TRPS1: variants seen among roughly 807,000 people sequenced by gnomAD.
TRPS1 encodes transcriptional repressor GATA binding 1.
Under a neutral mutation model 101.2 loss-of-function variants are expected in TRPS1, and 6 were observed. That is an observed-to-expected ratio of 0.06 (90% confidence interval 0.03 to 0.12). The LOEUF (loss-of-function observed/expected upper bound fraction) is 0.12. TRPS1 is among the 10% of genes least tolerant of loss of function. The probability of loss-of-function intolerance (pLI) is 1.00; values close to 1 mark genes in which losing one functional copy is unlikely to be tolerated. For synonymous variants in TRPS1, 578 were observed against 589.8 expected, an observed-to-expected ratio of 0.98 and a Z score of 0.29; for missense variants, 1,363 against 1,567.0, an observed-to-expected ratio of 0.87 and a Z score of 2.20.
At chr8:115,530,850 T>C (rs1410763792) in intron 5 of TRPS1, among the ~76,000 whole-genome samples, 1 of 152,002 alleles carries the variant, frequency 6.6e-6, no homozygotes, top group Non-Finnish European at 1.5e-5. Flanking sequence ...AAACACTGCA[T>C]GTTCTCACTC....
At chr8:115,437,021 A>G (rs1015338186) in intron 5 of TRPS1, among the ~76,000 whole-genome samples, 1 of 152,224 alleles carries the variant, frequency 6.6e-6, no homozygotes, top group Non-Finnish European at 1.5e-5. Context: ...GGAGTCTTTT[A>G]TAAGTAGAGC....
At chr8:115,452,111 T>C (rs2129931342) in intron 5 of TRPS1, among the ~76,000 whole-genome samples, 1 of 152,348 alleles carries the variant, frequency 6.6e-6, no homozygotes, top group South Asian at 2.1e-4. Flanking sequence ...GTGTGAGTTA[T>C]CAGAGTTCGC....
chr8:115,463,568 T>G (rs1461566412), intron 5 of TRPS1, among the ~76,000 whole-genome samples: 1 of 151,988 alleles, frequency 6.6e-6, no homozygotes, highest in African/African-American at 2.4e-5. Flanking sequence ...ACTCAGTGAG[T>G]GTATGAAACC....
intron 5 of TRPS1, among the ~76,000 whole-genome samples, chr8:115,512,020 C>A (rs1255453306): frequency 6.6e-6 from 1 of 151,650 alleles, no homozygotes; most frequent in Non-Finnish European, 1.5e-5. Flanking sequence ...TGCTACCATC[C>A]CTAAATACTA....
At chr8:115,628,435 T>C (rs946874543) in intron 1 of TRPS1, among the ~76,000 whole-genome samples, 2 of 151,316 alleles carry the variant, frequency 1.3e-5, no homozygotes, top group African/African-American at 2.4e-5. Context: ...CAAAAACAAA[T>C]TACACACACA....
At chr8:115,643,333 T>G (rs1818946239) in intron 1 of TRPS1, among the ~76,000 whole-genome samples, 1 of 152,212 alleles carries the variant, frequency 6.6e-6, no homozygotes, top group Admixed American at 6.5e-5. Flanking sequence ...ACGCTAGAAC[T>G]TCTTTCAAAA....
chr8:115,657,581 C>G (rs1186022952), intron 1 of TRPS1, among the ~76,000 whole-genome samples: 1 of 152,100 alleles, frequency 6.6e-6, no homozygotes, highest in African/African-American at 2.4e-5. Flanking sequence ...GAGAATCTTT[C>G]AAGTATTCTT....
At chr8:115,606,233 T>G (rs919732446) in intron 3 of TRPS1, among the ~76,000 whole-genome samples, 4 of 152,186 alleles carry the variant, frequency 2.6e-5, no homozygotes, top group Admixed American at 6.5e-5. Context: ...CACTGAGAGA[T>G]ATGTTTGTAC....
chr8:115,656,113 G>A (rs1461700296), intron 1 of TRPS1, among the ~76,000 whole-genome samples: 2 of 152,074 alleles, frequency 1.3e-5, no homozygotes, highest in Non-Finnish European at 2.9e-5. Flanking sequence ...TACTAAGTTT[G>A]CAATTTGGTA....
Position 115,412,376 on chromosome 8 carries a change from T to A in TRPS1, c.*1647A>T, listed in dbSNP as rs932526391. 1.3e-5 allele frequency: 2 copies of A among 152,492 alleles called. No individual in the cohort carries two copies. The highest frequency in any genetic ancestry group is 2.9e-5 in the Non-Finnish European group (2 of 67,984). The allele number at this position is 152,492 out of a possible 1,614,324, so 9.4% of individuals were successfully genotyped here. ...ACTGCAATAGAAATAGTTGCTTCAT[T>A]ACCTTGTTTGCTACATTTGCAAATG... On this transcript the variant is annotated 3_prime_UTR_variant, in exon 7 of 7. Coordinates refer to ENST00000395715, the MANE Select transcript of TRPS1 (RefSeq NM_014112.5).
intron 5 of TRPS1, among the ~76,000 whole-genome samples, chr8:115,558,391 G>C (rs1816873842): frequency 6.6e-6 from 1 of 152,118 alleles, no homozygotes; most frequent in Non-Finnish European, 1.5e-5. Flanking sequence ...AGTGGGGAAG[G>C]AATGGCCAGT....
intron 5 of TRPS1, among the ~76,000 whole-genome samples, chr8:115,583,608 CTACT>C (rs1197659412): frequency 6.6e-6 from 1 of 151,912 alleles, no homozygotes; most frequent in Non-Finnish European, 1.5e-5. Flanking sequence ...ATACTTCTTC[CTACT>C]AACACAAGAA....
At chr8:115,633,255 G>T (rs1279652459) in intron 1 of TRPS1, among the ~76,000 whole-genome samples, 1 of 152,062 alleles carries the variant, frequency 6.6e-6, no homozygotes, top group Non-Finnish European at 1.5e-5. Context: ...TGAGGGGTTT[G>T]AAAAGAGAGA....
At chr8:115,485,648 TA>T (rs1005328294) in intron 5 of TRPS1, among the ~76,000 whole-genome samples, 3 of 149,312 alleles carry the variant, frequency 2.0e-5, no homozygotes, top group Admixed American at 2.0e-4. Context: ...GAGGGAATGT[TA>T]AAAAAAAAAC....
chr8:115,421,255 G>T (rs1813047163), intron 5 of TRPS1, among the ~76,000 whole-genome samples: 1 of 152,084 alleles, frequency 6.6e-6, no homozygotes, highest in African/African-American at 2.4e-5. Flanking sequence ...AAAGTGCTGG[G>T]ATTACAGGCA....
intron 5 of TRPS1, among the ~76,000 whole-genome samples, chr8:115,570,674 AAAAC>A (rs1817179567): frequency 2.6e-5 from 3 of 114,458 alleles, no homozygotes; most frequent in African/African-American, 1.1e-4. Flanking sequence ...AACCTCAAAA[AAAAC>A]ACACACACAC....
At chr8:115,526,099 T>C (rs1815990029) in intron 5 of TRPS1, among the ~76,000 whole-genome samples, 1 of 151,998 alleles carries the variant, frequency 6.6e-6, no homozygotes, top group Non-Finnish European at 1.5e-5. Context: ...AAGAACGTTC[T>C]GGGTCTCGAG....
rs528869111 is a variant in TRPS1, at chr8:115,615,545, G to C, written c.966+3587C>G. The stretch of plus-strand genomic sequence containing the variant: ...AGCACTTTGGGAGGCCGAGGCGGGT[G>C]GTCAGGAGTTCGAGACCAGCCTGGC... On this transcript the variant is annotated intron_variant, in intron 3 of 6. Transcript: ENST00000395715. Among the ~76,000 whole-genome samples the C allele has an allele frequency of 4.6e-5, 7 of 152,256 alleles. No homozygotes were observed. In the South Asian group the frequency reaches 1.5e-3, roughly 32 times the overall value.
At chr8:115,621,952 G>T (rs1027836922) in intron 2 of TRPS1, among the ~76,000 whole-genome samples, 5 of 151,274 alleles carry the variant, frequency 3.3e-5, no homozygotes, top group Non-Finnish European at 7.4e-5. Context: ...AAAACAAAAA[G>T]AAAGAAAGTA....
Sources: allele counts gnomAD v4.1 joint callset (sites outside exome capture counted in the v4.1 genomes callset), GRCh38; gene constraint gnomAD v4.1.1; transcripts MANE v1.5; gene names NCBI Gene and HGNC (gene_info 2026-07-23, HGNC 2026-07-21).